The following C1orf21 variants were observed in gnomAD, a reference collection of about 807,000 sequenced individuals.
C1orf21 encodes the protein chromosome 1 open reading frame 21.
A neutral mutation model predicts 18.7 loss-of-function variants in C1orf21; 3 were observed. The ratio of observed to expected loss-of-function variants is 0.16; its 90% CI spans 0.07 to 0.42. The LOEUF is 0.42. Ranked by LOEUF, C1orf21 falls within the 10% of genes least tolerant of loss-of-function variation. The probability of loss-of-function intolerance (pLI) is 0.99; values close to 1 mark genes in which losing one functional copy is unlikely to be tolerated. For missense variants in C1orf21, 104 were observed against 143.6 expected (o/e 0.72, Z 1.41); for synonymous variants, 41 against 46.4 (o/e 0.88, Z 0.47).
intron 1 of C1orf21, among the ~76,000 whole-genome samples, chr1:184,397,344 T>C (rs930347311): frequency 1.3e-5 from 2 of 152,202 alleles, no homozygotes; most frequent in Non-Finnish European, 2.9e-5. Context: ...CCCAGCACTT[T>C]AGGAGGCCAA....
chr1:184,475,878 G>C (rs1657564469), intron 1 of C1orf21, among the ~76,000 whole-genome samples: 1 of 151,702 alleles, frequency 6.6e-6, no homozygotes, highest in Non-Finnish European at 1.5e-5. Context: ...TAGCCATCTA[G>C]GAGAAAATCT....
chr1:184,415,412 T>C (rs1656433831), intron 1 of C1orf21, among the ~76,000 whole-genome samples: 1 of 152,186 alleles, frequency 6.6e-6, no homozygotes, highest in Non-Finnish European at 1.5e-5. Context: ...TCCTGGGTTT[T>C]ACTAACAGAT....
chr1:184,406,724 G>T (rs1656254157), intron 1 of C1orf21, among the ~76,000 whole-genome samples: 1 of 152,146 alleles, frequency 6.6e-6, no homozygotes, highest in Non-Finnish European at 1.5e-5. Flanking sequence ...TGGAGGCCAT[G>T]GTCCAAATTT....
intron 1 of C1orf21, among the ~76,000 whole-genome samples, chr1:184,403,209 A>AACATAT (rs1656191553): frequency 1.3e-5 from 2 of 152,246 alleles, no homozygotes; most frequent in African/African-American, 4.8e-5. Flanking sequence ...TATGTCTATC[A>AACATAT]ACAGTGTAGT....
At chr1:184,527,020 C>T (rs1421545465) in intron 3 of C1orf21, among the ~76,000 whole-genome samples, 1 of 152,158 alleles carries the variant, frequency 6.6e-6, no homozygotes, top group Non-Finnish European at 1.5e-5. Flanking sequence ...ACACACATAA[C>T]CCAAACTTAG....
intron 1 of C1orf21, among the ~76,000 whole-genome samples, chr1:184,439,865 G>C (rs561762969): frequency 6.6e-6 from 1 of 152,176 alleles, no homozygotes; most frequent in Non-Finnish European, 1.5e-5. Flanking sequence ...AAGAAAGATG[G>C]TATGAAAAGT....
intron 1 of C1orf21, among the ~76,000 whole-genome samples, chr1:184,443,236 T>C (rs1656975531): frequency 6.6e-6 from 1 of 152,222 alleles, no homozygotes; most frequent in African/African-American, 2.4e-5. Context: ...ACTGTTCCTC[T>C]GTGCCTTGCG....
intron 1 of C1orf21, among the ~76,000 whole-genome samples, chr1:184,414,366 C>T (rs1656413288): frequency 6.6e-6 from 1 of 152,242 alleles, no homozygotes; most frequent in Non-Finnish European, 1.5e-5. Context: ...TGGGCTCAAG[C>T]ATTTCTCCTG....
At chr1:184,520,940 C>A (rs980839294) in intron 3 of C1orf21, among the ~76,000 whole-genome samples, 1 of 152,150 alleles carries the variant, frequency 6.6e-6, no homozygotes, top group Non-Finnish European at 1.5e-5. Flanking sequence ...GTTGCCCAGG[C>A]TGGAGGGCAA....
At chr1:184,504,350 A>G (rs867113880) in intron 2 of C1orf21, among the ~76,000 whole-genome samples, 2 of 152,134 alleles carry the variant, frequency 1.3e-5, no homozygotes, top group South Asian at 2.1e-4. Context: ...TTTCTGCGCC[A>G]GGACCCTCTG....
chr1:184,538,745 G>A (rs2101976570), intron 3 of C1orf21, among the ~76,000 whole-genome samples: 3 of 152,216 alleles, frequency 2.0e-5, no homozygotes. Flanking sequence ...TGGCAACCTT[G>A]TCAAAAATCA....
chr1:184,468,640 T>G (rs918928679), intron 1 of C1orf21, among the ~76,000 whole-genome samples: 1 of 152,226 alleles, frequency 6.6e-6, no homozygotes, highest in Non-Finnish European at 1.5e-5. Flanking sequence ...GATTCTTGGC[T>G]GGGCAGAGTG....
chr1:184,544,565 CAAAATGTTT>C (rs947341327), intron 3 of C1orf21, among the ~76,000 whole-genome samples: 3 of 152,200 alleles, frequency 2.0e-5, no homozygotes, highest in Admixed American at 6.5e-5. Flanking sequence ...CAATATCTTT[CAAAATGTTT>C]AATGCATATA....
At chr1:184,444,066 G>A (rs1656991653) in intron 1 of C1orf21, among the ~76,000 whole-genome samples, 1 of 152,098 alleles carries the variant, frequency 6.6e-6, no homozygotes, top group African/African-American at 2.4e-5. Context: ...TGTAACCTGT[G>A]TCTCCATGGA....
intron 1 of C1orf21, among the ~76,000 whole-genome samples, chr1:184,443,798 A>G (rs1380493689): frequency 1.3e-5 from 2 of 152,110 alleles, no homozygotes; most frequent in Admixed American, 6.6e-5. Flanking sequence ...AGTCCCTGAA[A>G]TGGGGTCATG....
intron 1 of C1orf21, among the ~76,000 whole-genome samples, chr1:184,463,866 G>A (rs893316686): frequency 6.6e-6 from 1 of 152,228 alleles, no homozygotes; most frequent in Non-Finnish European, 1.5e-5. Flanking sequence ...TATAGATGAC[G>A]TTAGAGAAGG....
At chr1:184,571,293 T>C (rs1466561270) in intron 3 of C1orf21, among the ~76,000 whole-genome samples, 1 of 78,354 alleles carries the variant, frequency 1.3e-5, no homozygotes, top group African/African-American at 7.2e-5. Flanking sequence ...CGAGACTCCG[T>C]CTCAAAAAAA....
At chr1:184,434,575 G>A in intron 1 of C1orf21, among the ~76,000 whole-genome samples, 1 of 152,218 alleles carries the variant, frequency 6.6e-6, no homozygotes, top group East Asian at 1.9e-4. Context: ...GCCAGAAGAA[G>A]ACAGGATGGT....
chr1:184,608,117 G>C (rs902741478), intron 5 of C1orf21, among the ~76,000 whole-genome samples: 2 of 152,166 alleles, frequency 1.3e-5, no homozygotes, highest in East Asian at 3.8e-4. Flanking sequence ...AATGAGAAAT[G>C]GGTGGTAGTT....
Sources: allele counts gnomAD v4.1 joint callset (sites outside exome capture counted in the v4.1 genomes callset), GRCh38; gene constraint gnomAD v4.1.1; transcripts MANE v1.5; gene names NCBI Gene and HGNC (gene_info 2026-07-23, HGNC 2026-07-21).